The following ATXN3 variants were observed in gnomAD, a reference collection of about 807,000 sequenced individuals.
ATXN3 encodes ataxin-3.
Under a neutral mutation model 58.2 loss-of-function variants are expected in ATXN3, and 28 were observed. The ratio of observed to expected loss-of-function variants is 0.48; its 90% CI spans 0.36 to 0.66. The LOEUF is 0.66. Among genes scored for constraint, ATXN3 ranks in the 30% least tolerant of loss-of-function variants. ATXN3 has a pLI of 0.00. For missense variants in ATXN3, 321 were observed against 422.1 expected, an observed-to-expected ratio of 0.76 and a Z score of 2.10; for synonymous variants, 113 against 138.5, an observed-to-expected ratio of 0.82 and a Z score of 1.29.
downstream of ATXN3, among the ~76,000 whole-genome samples, chr14:92,054,527 A>C (rs1057270725): frequency 5.9e-5 from 9 of 152,218 alleles, no homozygotes; most frequent in Non-Finnish European, 1.2e-4. Flanking sequence ...ATATGGTCTA[A>C]AAAGGGGAGG....
At chr14:92,078,314 A>G (rs910613766) in intron 9 of ATXN3, among the ~76,000 whole-genome samples, 5 of 151,612 alleles carry the variant, frequency 3.3e-5, no homozygotes, top group African/African-American at 1.2e-4. Flanking sequence ...TAAAATTTTT[A>G]GAATGTTAGT....
At chr14:92,101,118 G>C (rs547138475) in intron 1 of ATXN3, among the ~76,000 whole-genome samples, 1 of 152,166 alleles carries the variant, frequency 6.6e-6, no homozygotes, top group Non-Finnish European at 1.5e-5. Context: ...ATCAAGTTCT[G>C]TACTTCTAAT....
chr14:92,085,095 G>C (rs1480155569), intron 6 of ATXN3, among the ~76,000 whole-genome samples: 1 of 151,968 alleles, frequency 6.6e-6, no homozygotes, highest in Non-Finnish European at 1.5e-5. Context: ...AGCTCACCAT[G>C]GTATTCTATG....
chr14:92,071,019 G>GCTGCTGCTGCTGCTT lies in ATXN3; in HGVS notation c.906_907insAAGCAGCAGCAGCAG (p.Gln302_Gln303insLysGlnGlnGlnGln). On this transcript the variant is annotated inframe_insertion, in exon 10 of 11. Transcript: ENST00000644486. ...TGTCCTGATAGGTCCCCCTGCTGCT[G>GCTGCTGCTGCTGCTT]CTGCTGCTGCTGCTGTTGCTGCTTT... 6.2e-7 allele frequency: 1 copy of GCTGCTGCTGCTGCTT among 1,606,128 alleles called. No individual in the cohort carries two copies. The highest frequency in any genetic ancestry group is 1.1e-5 in the South Asian group (1 of 90,400).
At chr14:92,079,359 A>C (rs902628669) in intron 9 of ATXN3, 5 of 800,208 alleles carry the variant, frequency 6.2e-6, no homozygotes, top group Non-Finnish European at 7.6e-6. Context: ...CTACTTTGAA[A>C]TTTAACATAT....
At chr14:92,096,180 G>GGGGGGCCC in intron 2 of ATXN3, 43 bp from the exon 3 acceptor site, 1 of 1,278,228 alleles carries the variant, frequency 7.8e-7, no homozygotes, top group Non-Finnish European at 1.1e-6. Flanking sequence ...TGGGGGTGGG[G>GGGGGGCCC]AAAGAAGGAT....
intron 1 of ATXN3, among the ~76,000 whole-genome samples, chr14:92,097,692 A>AT (rs1476919036): frequency 2.6e-5 from 4 of 151,706 alleles, no homozygotes; most frequent in Non-Finnish European, 5.9e-5. Context: ...TGCCCGGCTA[A>AT]TTTTTTGTAT....
chr14:92,090,325 C>T (rs2063505253), intron 5 of ATXN3: 1 of 152,060 alleles, frequency 6.6e-6, no homozygotes, highest in African/African-American at 2.4e-5. Context: ...ACAGGCTGGT[C>T]TCAAACTCCT....
chr14:92,056,549 A>C (rs1373724885), downstream of ATXN3, among the ~76,000 whole-genome samples: 1 of 152,174 alleles, frequency 6.6e-6, no homozygotes, highest in Admixed American at 6.5e-5. Context: ...CACTTATAGG[A>C]GATACTTAGA....
rs369995156 is a variant in ATXN3, at chr14:92,096,641, A to AAT, written c.189+32_189+33insAT. The stretch of plus-strand genomic sequence containing the variant: ...TCCGTCTCAAAAAAAAAAAAAAAAA[A>AAT]GAAATGTGACTTAGTGAGTTTAAAA... On this transcript the variant is annotated intron_variant, in intron 2 of 10. Transcript: ENST00000644486. The AAT allele has an allele frequency of 1.5e-5, 23 of 1,557,120 alleles. No homozygotes were observed. The East Asian group carries it at 4.1e-4, about 27-fold the overall frequency.
intron 1 of ATXN3, among the ~76,000 whole-genome samples, chr14:92,100,209 ATG>A (rs2066454642): frequency 6.6e-6 from 1 of 152,186 alleles, no homozygotes; most frequent in Admixed American, 6.5e-5. Flanking sequence ...TAATTATGTA[ATG>A]CATCCACTAA....
chr14:92,049,646 A>G, exon 1 of ATXN3: 1 of 184,658 alleles, frequency 5.4e-6, no homozygotes, highest in Non-Finnish European at 1.1e-5. Flanking sequence ...GGTTGGTCTG[A>G]GGACCCGAGG....
chr14:92,096,873 T>C (rs773183853), intron 1 of ATXN3, 35 bp from the exon 2 acceptor site: 4 of 1,582,986 alleles, frequency 2.5e-6, no homozygotes, highest in Non-Finnish European at 3.5e-6. Flanking sequence ...AAAATGTGAC[T>C]TGTTAAACAG....
At chr14:92,084,871 C>T (rs944975693) in intron 6 of ATXN3, among the ~76,000 whole-genome samples, 4 of 152,084 alleles carry the variant, frequency 2.6e-5, no homozygotes, top group South Asian at 2.1e-4. Context: ...TGAGCCACCG[C>T]GCCTAGCACA....
Position 92,081,061 on chromosome 14 carries a change from C to T in ATXN3, c.776G>A (p.Gly259Asp), listed in dbSNP as rs1162021177. The part of the protein sequence containing the change: ...LRRAIQLSMQ[G>D]SSRNISQDMT... ...ATCTTGAGATATGTTTCTGGAACTA[C>T]CTGAAAACAAAACACAACACAACAA... is the stretch of plus-strand genomic sequence containing the variant. The change falls in exon 9 of 11, where the codon GGT becomes GAT. Residue 259 changes from glycine (G) to aspartate (D), a missense_variant and splice_region_variant. By Grantham distance (94) the Gly-to-Asp change is moderately conservative. Transcript: ENST00000644486. The T allele has an allele frequency of 3.1e-6, 5 of 1,591,840 alleles. No homozygotes were observed. The highest frequency in any genetic ancestry group is 1.7e-5 in the Admixed American group (1 of 59,914).
At chr14:92,083,051 TC>T in intron 7 of ATXN3, 74 bp downstream of exon 7, 1 of 1,507,650 alleles carries the variant, frequency 6.6e-7, no homozygotes, top group Non-Finnish European at 8.9e-7. Context: ...GACCACATAT[TC>T]AATCTAAGCA....
At chr14:92,089,411 T>C (rs2063305481) in intron 5 of ATXN3, among the ~76,000 whole-genome samples, 1 of 142,634 alleles carries the variant, frequency 7.0e-6, no homozygotes, top group South Asian at 2.2e-4. Flanking sequence ...CGATCTCGGC[T>C]CACTGCAAGC....
chr14:92,085,372 G>A (rs751649756), intron 6 of ATXN3, among the ~76,000 whole-genome samples: 28 of 151,956 alleles, frequency 1.8e-4, no homozygotes, highest in Non-Finnish European at 3.5e-4. Context: ...TTTTTTGGTA[G>A]AGACAGGGTT....
At chr14:92,092,031 A>G (rs1314255233) in intron 5 of ATXN3, among the ~76,000 whole-genome samples, 1 of 152,100 alleles carries the variant, frequency 6.6e-6, no homozygotes, top group East Asian at 1.9e-4. Context: ...CTGTACTCCC[A>G]TGAAACCATT....
Sources: allele counts gnomAD v4.1 joint callset (sites outside exome capture counted in the v4.1 genomes callset), GRCh38; gene constraint gnomAD v4.1.1; transcripts MANE v1.5; gene names NCBI Gene and HGNC (gene_info 2026-07-23, HGNC 2026-07-21).